KANTR: variants seen among roughly 807,000 people sequenced by gnomAD.
KANTR encodes the protein KANTR integral membrane protein.
At chrX:53,108,409 C>T (rs1388875993) in intron 2 of KANTR, among the ~76,000 whole-genome samples, 1 of 110,252 alleles carries the variant, frequency 9.1e-6, no homozygotes, top group African/African-American at 3.3e-5. Flanking sequence ...GCCATGTTGG[C>T]CAGGCTGGTC....
At chrX:53,098,693 C>T (rs782659585) in intron 1 of KANTR, among the ~76,000 whole-genome samples, 1 of 111,586 alleles carries the variant, frequency 9.0e-6, no homozygotes, top group African/African-American at 3.3e-5. Context: ...CTATTTTGCT[C>T]ATCCATAAGA....
chrX:53,143,145 C>T, downstream of KANTR: 1 of 1,023,678 alleles, frequency 9.8e-7, no homozygotes, highest in Non-Finnish European at 1.4e-6. Context: ...ACAGCACCTG[C>T]AGACACCAGA....
intron 1 of KANTR, among the ~76,000 whole-genome samples, 195 bp from the exon 2 acceptor site, chrX:53,099,277 G>T (rs898785385): frequency 9.0e-6 from 1 of 111,270 alleles, no homozygotes; most frequent in Non-Finnish European, 1.9e-5. Context: ...GGAGACTGAG[G>T]CAGGAGAATC....
At chrX:53,139,430 G>A (rs1302107284) in intron 2 of KANTR, among the ~76,000 whole-genome samples, 1 of 111,912 alleles carries the variant, frequency 8.9e-6, no homozygotes, top group African/African-American at 3.2e-5. Flanking sequence ...ATGGACAAAA[G>A]TAAGAGATAA....
intron 3 of KANTR, among the ~76,000 whole-genome samples, chrX:53,147,851 T>C (rs1287391418): frequency 9.0e-6 from 1 of 111,559 alleles, no homozygotes; most frequent in Non-Finnish European, 1.9e-5. Context: ...ACTGAACAAC[T>C]GGCTCCTGAA....
chrX:53,104,965 A>G (rs781849435), intron 2 of KANTR, among the ~76,000 whole-genome samples: 8 of 109,736 alleles, frequency 7.3e-5, no homozygotes, highest in African/African-American at 2.3e-4. Context: ...GCTCACTGCA[A>G]CCTCCACCTC....
chrX:53,115,683 A>T (rs1284679189), intron 2 of KANTR, among the ~76,000 whole-genome samples: 6 of 113,038 alleles, frequency 5.3e-5, no homozygotes. Context: ...GGGAAAGCCC[A>T]GTGCTTACTT....
chrX:53,139,329 G>C (rs992217503), intron 2 of KANTR, among the ~76,000 whole-genome samples: 1 of 111,671 alleles, frequency 9.0e-6, no homozygotes, highest in Non-Finnish European at 1.9e-5. Flanking sequence ...TGACCTAGGG[G>C]CTTGGACAAA....
intron 2 of KANTR, among the ~76,000 whole-genome samples, chrX:53,139,838 AAAG>A (rs1249229788): frequency 8.1e-5 from 9 of 110,918 alleles, no homozygotes; most frequent in African/African-American, 9.9e-5. Flanking sequence ...AAACAAAACA[AAAG>A]AAGGAGGAGG....
At chrX:53,117,766 G>A (rs782341037) in intron 2 of KANTR, among the ~76,000 whole-genome samples, 1 of 108,131 alleles carries the variant, frequency 9.2e-6, no homozygotes, top group Admixed American at 1.0e-4. Context: ...GATTACAGGT[G>A]TGCACCACCA....
intron 2 of KANTR, among the ~76,000 whole-genome samples, chrX:53,138,453 G>A (rs1227708910): frequency 5.6e-5 from 6 of 107,074 alleles, no homozygotes; most frequent in African/African-American, 2.0e-4. Context: ...ACCTGAGGTC[G>A]AGAGTTCAAG....
intron 2 of KANTR, among the ~76,000 whole-genome samples, chrX:53,121,599 GT>G (rs56168536): frequency 4.5e-4 from 45 of 100,862 alleles, no homozygotes; most frequent in Middle Eastern, 5.2e-3. Context: ...GTCTGTTCTT[GT>G]TTTTTTTTTT....
In KANTR at chrX:53,114,564, G is replaced by A. The variant is rs782056438; in HGVS notation, c.-804-8905G>A. On this transcript the variant is annotated intron_variant, in intron 2 of 2. Coordinates refer to ENST00000604062, the Ensembl canonical transcript of KANTR. ...GGTCTGGTGTCTGGGTCAGCAGGTAGGTGGACCCGATGTCTGGGTCCATGG... is the reference window on the plus strand; with the variant it reads ...GGTCTGGTGTCTGGGTCAGCAGGTAAGTGGACCCGATGTCTGGGTCCATGG... 1.3e-4 allele frequency among the ~76,000 whole-genome samples: 15 copies of A among 112,275 alleles called. No homozygotes were observed. In the East Asian group the frequency reaches 2.3e-3, roughly 17 times the overall value.
At chrX:53,113,074 A>C (rs782282568) in intron 2 of KANTR, 1 of 240,281 alleles carries the variant, frequency 4.2e-6, no homozygotes, top group East Asian at 1.3e-4. Flanking sequence ...AACTTTAACA[A>C]GACTTTATCT....
downstream of KANTR, among the ~76,000 whole-genome samples, chrX:53,128,249 G>T (rs1250042185): frequency 9.0e-6 from 1 of 111,636 alleles, no homozygotes; most frequent in Non-Finnish European, 1.9e-5. Flanking sequence ...CACTTACTGT[G>T]TGTCAGGCCT....
chrX:53,133,793 C>T (rs1933388245), intron 2 of KANTR, among the ~76,000 whole-genome samples: 1 of 111,447 alleles, frequency 9.0e-6, no homozygotes, highest in Non-Finnish European at 1.9e-5. Flanking sequence ...CACATAACAG[C>T]CCTGCCAGTG....
rs58263602 is a variant in KANTR at position 53,136,693 on chromosome X, CATATATATATATATATATATATATAT to C, written n.204-5142_204-5117del. On this transcript the variant is annotated intron_variant and non_coding_transcript_variant, in intron 2 of 2. Coordinates refer to the KANTR transcript ENST00000366185. The stretch of plus-strand genomic sequence containing the variant: ...TACAGGCAAGATCTACCACGCCCGG[CATATATATATATATATATATATATAT>C]ATATATATATATTTTGTTTGTTTGT... 4.3e-4 allele frequency among the ~76,000 whole-genome samples: 4 copies of C among 9,300 alleles called. 1 individual carries two copies. Among genetic ancestry groups the C allele is most frequent in the Non-Finnish European group, 1.1e-3 (3 of 2,713 alleles). The allele number at this position is 9,300 out of a possible 115,157, so 8.1% of individuals were successfully genotyped here. A position where few individuals can be genotyped will look rare whatever the true frequency, so the allele number is the denominator to read the frequency against.
At chrX:53,103,712 G>A (rs1556812262) in intron 2 of KANTR, among the ~76,000 whole-genome samples, 1 of 111,511 alleles carries the variant, frequency 9.0e-6, no homozygotes, top group Non-Finnish European at 1.9e-5. Context: ...CTTACACTCA[G>A]GCTTCCTACT....
downstream of KANTR, chrX:53,143,859 C>A: frequency 2.1e-6 from 1 of 471,294 alleles, no homozygotes; most frequent in Non-Finnish European, 4.0e-6. Context: ...GCAAAGCCAG[C>A]TTTGCACATG....
Sources: gnomAD v4.1 joint callset for allele counts (sites outside exome capture counted in the v4.1 genomes callset) on GRCh38, gnomAD v4.1.1 for gene constraint, MANE v1.5 for transcripts, NCBI Gene and HGNC (gene_info 2026-07-23, HGNC 2026-07-21) for gene names.